Variants in TOP6BL observed in about 807,000 individuals in gnomAD.
The protein encoded by TOP6BL is type 2 DNA topoisomerase 6 subunit B-like.
At chr11:66,746,605 T>G in the TOP6BL span, among the ~76,000 whole-genome samples, 24 of 152,086 alleles carry the variant, frequency 1.6e-4, no homozygotes, top group East Asian at 3.9e-3. Context: ...TCCTAGCTAC[T>G]TGTGGGGCTG....
the TOP6BL span, among the ~76,000 whole-genome samples, chr11:66,760,625 CAAAAA>C: frequency 0.013 from 724 of 54,096 alleles, 3 homozygotes; most frequent in African/African-American, 0.067. Context: ...CCCATCTTTA[CAAAAA>C]AAAAAAAAAA....
the TOP6BL span, among the ~76,000 whole-genome samples, chr11:66,828,111 T>C: frequency 2.0e-5 from 3 of 152,066 alleles, no homozygotes; most frequent in Non-Finnish European, 4.4e-5. Context: ...CTTCTTTTTT[T>C]CTCTACTGCC....
the TOP6BL span, among the ~76,000 whole-genome samples, chr11:66,763,211 G>A: frequency 2.0e-5 from 3 of 152,142 alleles, no homozygotes; most frequent in African/African-American, 7.2e-5. Flanking sequence ...AAATAAAAAA[G>A]AATGAGGACT....
the TOP6BL span, among the ~76,000 whole-genome samples, chr11:66,776,496 G>A: frequency 6.6e-6 from 1 of 152,064 alleles, no homozygotes; most frequent in Non-Finnish European, 1.5e-5. Context: ...TTATTTAAAA[G>A]TCTACCACTG....
chr11:66,840,316 G>C, the TOP6BL span, among the ~76,000 whole-genome samples: 1 of 152,034 alleles, frequency 6.6e-6, no homozygotes, highest in African/African-American at 2.4e-5. Flanking sequence ...CATACTTACG[G>C]ATCTCTTTTC....
chr11:66,818,238 G>T, the TOP6BL span, among the ~76,000 whole-genome samples: 1 of 152,186 alleles, frequency 6.6e-6, no homozygotes, highest in Non-Finnish European at 1.5e-5. Flanking sequence ...ATTGTTGGCT[G>T]TGGTATTCTT....
the TOP6BL span, among the ~76,000 whole-genome samples, chr11:66,793,655 G>A: frequency 6.7e-6 from 1 of 149,766 alleles, no homozygotes; most frequent in South Asian, 2.1e-4. Flanking sequence ...ATCTTGGCCA[G>A]CCCTGGTCTT....
At chr11:66,760,307 G>A in the TOP6BL span, among the ~76,000 whole-genome samples, 45 of 151,204 alleles carry the variant, frequency 3.0e-4, 2 homozygotes, top group South Asian at 7.5e-3. Context: ...AGCCAGGCAT[G>A]GTGGTGCATA....
At chr11:66,750,129 A>G in the TOP6BL span, among the ~76,000 whole-genome samples, 519 of 152,294 alleles carry the variant, frequency 3.4e-3, 2 homozygotes, top group Non-Finnish European at 4.4e-3. Context: ...ACTATACTAT[A>G]CATATGACTG....
chr11:66,809,889 T>C, the TOP6BL span, among the ~76,000 whole-genome samples: 18 of 152,112 alleles, frequency 1.2e-4, 1 homozygote, highest in Non-Finnish European at 1.2e-4. Context: ...TATTTTTATT[T>C]TTTGTAGAGA....
At chr11:66,813,893 C>T in the TOP6BL span, 2 of 1,613,896 alleles carry the variant, frequency 1.2e-6, no homozygotes, top group Non-Finnish European at 1.7e-6. Flanking sequence ...TTGGGTCTGC[C>T]TCTGATATTG....
chr11:66,828,475 G>A, the TOP6BL span: 1 of 727,798 alleles, frequency 1.4e-6, no homozygotes, highest in Non-Finnish European at 2.3e-6. Flanking sequence ...TCTGAGGTCA[G>A]CCTTTCAGCA....
the TOP6BL span, among the ~76,000 whole-genome samples, chr11:66,745,643 C>T: frequency 3.9e-5 from 6 of 152,340 alleles, no homozygotes; most frequent in East Asian, 9.7e-4. Context: ...AGAGTACCCC[C>T]GGGCGTCCTG....
the TOP6BL span, among the ~76,000 whole-genome samples, chr11:66,757,284 A>C: frequency 1.3e-5 from 2 of 152,120 alleles, no homozygotes; most frequent in Middle Eastern, 3.2e-3. Flanking sequence ...TGGAGGTTGC[A>C]GTGAGCTGAG....
chr11:66,826,910 C>T, the TOP6BL span, among the ~76,000 whole-genome samples: 124 of 149,766 alleles, frequency 8.3e-4, no homozygotes, highest in Non-Finnish European at 1.5e-3. Context: ...CTCAAACTCC[C>T]GACCTCAGGT....
At chr11:66,838,501 G>A in the TOP6BL span, 18 of 1,514,996 alleles carry the variant, frequency 1.2e-5, 1 homozygote, top group South Asian at 1.0e-4. Flanking sequence ...AGTAAAAAAC[G>A]TGAGTTCAAA....
chr11:66,757,608 CAG>C, the TOP6BL span, among the ~76,000 whole-genome samples: 20 of 152,052 alleles, frequency 1.3e-4, no homozygotes, highest in African/African-American at 4.3e-4. Flanking sequence ...TTTTTTGAGA[CAG>C]AGTTTCGCTC....
chr11:66,832,895 CAA>C, the TOP6BL span, among the ~76,000 whole-genome samples: 2 of 152,138 alleles, frequency 1.3e-5, no homozygotes, highest in South Asian at 2.1e-4. Context: ...ACACTCCTTC[CAA>C]AGTTTCTAGA....
the TOP6BL span, chr11:66,761,992 G>A: frequency 3.2e-6 from 5 of 1,568,358 alleles, no homozygotes; most frequent in African/African-American, 4.1e-5. Context: ...TCAAATGTTG[G>A]TGGGATGCTG....
Sources: gnomAD v4.1 joint callset for allele counts (sites outside exome capture counted in the v4.1 genomes callset) on GRCh38, gnomAD v4.1.1 for gene constraint, MANE v1.5 for transcripts, NCBI Gene and HGNC (gene_info 2026-07-23, HGNC 2026-07-21) for gene names.